Variants in ZNF79 observed in about 807,000 individuals in gnomAD.
ZNF79 encodes zinc finger protein 79.
A neutral mutation model predicts 14.9 loss-of-function variants in ZNF79; 13 were observed. That is an observed-to-expected ratio of 0.87 (90% CI 0.57 to 1.38). The LOEUF (loss-of-function observed/expected upper bound fraction) is 1.38, where lower values mean the gene tolerates loss of function less well. ZNF79 is among the 40% of genes most tolerant of loss of function. The pLI is 0.00. For missense variants in ZNF79, 631 were observed against 630.6 expected (o/e 1.00, Z -0.01); for synonymous variants, 223 against 235.1 (o/e 0.95, Z 0.47).
In ZNF79 at chr9:127,444,480, G is replaced by C; in HGVS notation, c.780G>C (p.Gln260His). 3 of 1,610,248 alleles carry C rather than the reference G, an allele frequency of 1.9e-6. No homozygotes were observed. The highest frequency in any genetic ancestry group is 2.5e-6 in the Non-Finnish European group (3 of 1,176,726). Residue 260 changes from glutamine (Q) to histidine (H), a missense_variant, in exon 5 of 5, where the codon CAG (glutamine) becomes CAC (histidine). Physicochemically the swap from Gln to His is conservative, Grantham distance 24. Coordinates refer to ENST00000342483, the MANE Select transcript of ZNF79 (RefSeq NM_007135.3). ...KCSECGRAFS[Q>H]NANLTKHQRT... ...GTGAATGTGGAAGAGCCTTCAGCCA[G>C]AACGCCAACCTCACCAAACACCAGC... is the stretch of plus-strand genomic sequence containing the variant.
rs752942190 is a variant in ZNF79, at chr9:127,435,988, C to A, written c.313C>A (p.Arg105=). The change falls in exon 4 of 5, where the codon CGA becomes AGA. Residue 105 remains arginine (R), a synonymous_variant. Transcript: ENST00000342483. Reference sequence around the variant, plus strand: ...ATGGATGCTGGAGGGCGAAGACCTGCGAAGTCCCTCTCCAGGTATGTGAGC... The same window carrying A: ...ATGGATGCTGGAGGGCGAAGACCTGAGAAGTCCCTCTCCAGGTATGTGAGC... The part of the protein sequence containing the change: ...GAWMLEGEDL[R]SPSPGWKIIS... 6.2e-7 allele frequency: 1 copy of A among 1,614,150 alleles called. No individual in the cohort carries two copies. Among genetic ancestry groups the A allele is most frequent in the East Asian group, 2.2e-5 (1 of 44,884 alleles).
chr9:127,433,013 C>T (rs528027214), intron 2 of ZNF79, among the ~76,000 whole-genome samples: 9 of 152,168 alleles, frequency 5.9e-5, no homozygotes, highest in South Asian at 2.1e-4. Flanking sequence ...AACTCCTGAC[C>T]GCAGGTGATC....
At chr9:127,433,720 G>A (rs1833899636) in intron 2 of ZNF79, among the ~76,000 whole-genome samples, 1 of 152,088 alleles carries the variant, frequency 6.6e-6, no homozygotes, top group Non-Finnish European at 1.5e-5. Context: ...TAAACTCTGT[G>A]GGCCCCAAAA....
chr9:127,428,206 C>T (rs947802505), intron 1 of ZNF79, among the ~76,000 whole-genome samples: 1 of 152,128 alleles, frequency 6.6e-6, no homozygotes, highest in African/African-American at 2.4e-5. Flanking sequence ...GTCTCGAACT[C>T]CTGGGCTCAA....
chr9:127,435,346 C>T, intron 3 of ZNF79, 130 bp downstream of exon 3: 1 of 1,146,914 alleles, frequency 8.7e-7, no homozygotes, highest in Non-Finnish European at 1.2e-6. Context: ...CTCTTGTTCT[C>T]TTGGGGAAGG....
intron 4 of ZNF79, among the ~76,000 whole-genome samples, 193 bp downstream of exon 4, chr9:127,436,196 G>C (rs550347192): frequency 1.3e-3 from 201 of 152,342 alleles, no homozygotes; most frequent in African/African-American, 4.7e-3. Context: ...GCAAGGCTGG[G>C]ATTTGAAGCA....
chr9:127,426,130 T>C (rs1833748739), intron 1 of ZNF79, among the ~76,000 whole-genome samples: 1 of 152,248 alleles, frequency 6.6e-6, no homozygotes, highest in Non-Finnish European at 1.5e-5. Flanking sequence ...ATCATTCACA[T>C]ACCATAATAT....
intron 2 of ZNF79, among the ~76,000 whole-genome samples, chr9:127,430,970 A>G (rs773804966): frequency 1.1e-4 from 16 of 151,972 alleles, no homozygotes; most frequent in Non-Finnish European, 1.9e-4. Context: ...CATATTAGCC[A>G]TTATTTCTGG....
chr9:127,425,873 G>A (rs941426451), intron 1 of ZNF79, among the ~76,000 whole-genome samples: 2 of 152,208 alleles, frequency 1.3e-5, no homozygotes, highest in African/African-American at 2.4e-5. Flanking sequence ...GATTACAGGC[G>A]TGAGCCACTG....
At position 127,424,743 on chromosome 9, in the gene ZNF79, C is replaced by T. The variant is rs199672004; in HGVS notation, c.-45C>T. The T allele has an allele frequency of 1.1e-5, 18 of 1,613,270 alleles. No individual in the cohort carries two copies. Among genetic ancestry groups the T allele is most frequent in the East Asian group, 1.1e-4 (5 of 44,830 alleles). ...GGGGGCTGCTGTAGATAGACCCTTA[C>T]GCCCAGAGAACTGCTGGGAGGCTGT... On this transcript the variant is annotated 5_prime_UTR_variant, in exon 1 of 5. The change creates a new upstream start codon in the 5' untranslated region. Transcript: ENST00000342483.
At position 127,444,857 on chromosome 9, in the gene ZNF79, A is replaced by G. The variant is rs1346651905; in HGVS notation, c.1157A>G (p.Glu386Gly). Reference protein sequence around the residue: ...LTNHQRTHTGEKPYKCSECGK... With the variant: ...LTNHQRTHTGGKPYKCSECGK... ...AACCATCAGAGGACTCACACTGGGG[A>G]GAAACCCTACAAGTGCAGCGAGTGT... The change falls in exon 5 of 5, where the codon GAG (glutamate) becomes GGG (glycine). Residue 386 changes from glutamate (E) to glycine (G), a missense_variant. Transcript: ENST00000342483. 3.1e-6 allele frequency: 5 copies of G among 1,614,122 alleles called. No homozygotes were observed. Among genetic ancestry groups the G allele is most frequent in the Non-Finnish European group, 4.2e-6 (5 of 1,180,036 alleles).
At chr9:127,429,480 C>G (rs1184454385) in intron 2 of ZNF79, among the ~76,000 whole-genome samples, 1 of 119,292 alleles carries the variant, frequency 8.4e-6, no homozygotes, top group Non-Finnish European at 1.7e-5. Context: ...GCCACCATGC[C>G]TAGCTAATTT....
At chr9:127,441,079 T>C (rs980209223) in intron 4 of ZNF79, among the ~76,000 whole-genome samples, 1 of 152,072 alleles carries the variant, frequency 6.6e-6, no homozygotes, top group Non-Finnish European at 1.5e-5. Context: ...TCACTCTTCC[T>C]CTCCTTTTGA....
intron 2 of ZNF79, among the ~76,000 whole-genome samples, chr9:127,432,937 A>G (rs1833886200): frequency 6.6e-6 from 1 of 152,090 alleles, no homozygotes; most frequent in Admixed American, 6.6e-5. Context: ...AAGATTTTAA[A>G]TATTTTTTAG....
Position 127,444,487 on chromosome 9 carries a change from A to C in ZNF79, c.787A>C (p.Asn263His). Reference protein sequence around the residue: ...ECGRAFSQNANLTKHQRTHTG... With the variant: ...ECGRAFSQNAHLTKHQRTHTG... Reference sequence around the variant, plus strand: ...TGGAAGAGCCTTCAGCCAGAACGCCAACCTCACCAAACACCAGCGAACCCA... The same window carrying C: ...TGGAAGAGCCTTCAGCCAGAACGCCCACCTCACCAAACACCAGCGAACCCA... Residue 263 changes from asparagine (N) to histidine (H), a missense_variant, in exon 5 of 5, where the codon AAC (asparagine) becomes CAC (histidine). By Grantham distance (68) the Asn-to-His change is moderately conservative. Coordinates refer to ENST00000342483, the MANE Select transcript of ZNF79 (RefSeq NM_007135.3). 1 of 1,610,768 alleles carries C rather than the reference A, an allele frequency of 6.2e-7. No homozygotes were observed. The highest frequency in any genetic ancestry group is 8.5e-7 in the Non-Finnish European group (1 of 1,177,214).
intron 4 of ZNF79, among the ~76,000 whole-genome samples, chr9:127,443,287 C>T (rs1194839361): frequency 6.6e-6 from 1 of 151,734 alleles, no homozygotes; most frequent in Admixed American, 6.6e-5. Flanking sequence ...TGGTGGTATG[C>T]TCCTTTAGTT....
chr9:127,439,204 C>CAA (rs1185578715), intron 4 of ZNF79, among the ~76,000 whole-genome samples: 8 of 129,564 alleles, frequency 6.2e-5, no homozygotes, highest in African/African-American at 2.0e-4. Context: ...CACACACACA[C>CAA]AACGCGCACA....
chr9:127,424,629 C>T lies in ZNF79; in HGVS notation c.-159C>T, dbSNP rs1041579481. The T allele has an allele frequency of 3.5e-6, 4 of 1,144,540 alleles. No homozygotes were observed. Among genetic ancestry groups the T allele is most frequent in the Non-Finnish European group, 2.5e-6 (2 of 794,694 alleles). 70.9% of individuals were successfully genotyped at this position (1,144,540 alleles called of 1,614,324 possible). ...CCCGGACAGCTCCCGCGACCCAGCA[C>T]CGCAGGATCAGACCGTGCCTCTGCG... On this transcript the variant is annotated 5_prime_UTR_variant, in exon 1 of 5. Coordinates refer to ENST00000342483, the MANE Select transcript of ZNF79 (RefSeq NM_007135.3).
chr9:127,443,091 G>A (rs1278803055), intron 4 of ZNF79, among the ~76,000 whole-genome samples: 2 of 152,194 alleles, frequency 1.3e-5, no homozygotes, highest in Non-Finnish European at 2.9e-5. Context: ...GCCTGAGGCT[G>A]TTTTACAGAT....
Sources: gnomAD v4.1 joint callset for allele counts (sites outside exome capture counted in the v4.1 genomes callset) on GRCh38, gnomAD v4.1.1 for gene constraint, MANE v1.5 for transcripts, NCBI Gene and HGNC (gene_info 2026-07-23, HGNC 2026-07-21) for gene names.